The following GRID2 variants were observed in gnomAD, a reference collection of about 807,000 sequenced individuals.
GRID2 encodes the protein glutamate ionotropic receptor delta type subunit 2, also known as glutamate receptor ionotropic, delta-2.
Under a neutral mutation model 114.8 loss-of-function variants are expected in GRID2, and 33 were observed. The observed-to-expected ratio is 0.29, with a 90% CI of 0.22 to 0.38. The LOEUF (loss-of-function observed/expected upper bound fraction) is 0.38, where lower values mean the gene tolerates loss of function less well. Ranked by LOEUF, GRID2 falls within the 10% of genes least tolerant of loss-of-function variation. The pLI, the probability that GRID2 is intolerant of heterozygous loss-of-function variation, is 1.00. For synonymous variants in GRID2, 505 were observed against 449.9 expected (o/e 1.12, Z -1.55); for missense variants, 1,184 against 1,257.7 (o/e 0.94, Z 0.89).
intron 1 of GRID2, among the ~76,000 whole-genome samples, chr4:92,315,217 G>A (rs1390331340): frequency 6.6e-6 from 1 of 152,104 alleles, no homozygotes; most frequent in African/African-American, 2.4e-5. Flanking sequence ...CTTTGTTGTT[G>A]TAAGTGTTAT....
intron 3 of GRID2, among the ~76,000 whole-genome samples, chr4:93,107,128 G>C (rs778520846): frequency 2.0e-5 from 3 of 152,040 alleles, no homozygotes; most frequent in Non-Finnish European, 2.9e-5. Flanking sequence ...GCAAAACCCT[G>C]TCTCTACCGA....
chr4:93,607,918 A>C (rs1354023772), intron 13 of GRID2, among the ~76,000 whole-genome samples: 1 of 151,874 alleles, frequency 6.6e-6, no homozygotes, highest in African/African-American at 2.4e-5. Flanking sequence ...TTAAACATTA[A>C]CTGTTTGTCC....
At chr4:92,328,983 T>C (rs1726738094) in intron 1 of GRID2, among the ~76,000 whole-genome samples, 2 of 152,092 alleles carry the variant, frequency 1.3e-5, no homozygotes. Context: ...TTTCACATTA[T>C]TTTTAAATAA....
At chr4:92,532,117 T>C (rs572390272) in intron 1 of GRID2, among the ~76,000 whole-genome samples, 190 of 152,322 alleles carry the variant, frequency 1.2e-3, no homozygotes, top group African/African-American at 4.4e-3. Context: ...GAATTGGGAA[T>C]GAATTCAGTT....
At chr4:93,060,167 C>G (rs1322165596) in intron 2 of GRID2, among the ~76,000 whole-genome samples, 1 of 152,134 alleles carries the variant, frequency 6.6e-6, no homozygotes, top group Admixed American at 6.6e-5. Context: ...AATTTGACAG[C>G]ATTTTAGACT....
chr4:92,359,615 A>C (rs1728517461), intron 1 of GRID2, among the ~76,000 whole-genome samples: 1 of 151,966 alleles, frequency 6.6e-6, no homozygotes, highest in Non-Finnish European at 1.5e-5. Context: ...ATTTCAATAG[A>C]GCATAGCCCC....
At chr4:92,926,841 A>G (rs1749845528) in intron 2 of GRID2, among the ~76,000 whole-genome samples, 1 of 151,916 alleles carries the variant, frequency 6.6e-6, no homozygotes, top group African/African-American at 2.4e-5. Flanking sequence ...TTAAGGAGCA[A>G]TAACTAACTC....
At chr4:93,481,310 G>A (rs1479575115) in intron 11 of GRID2, among the ~76,000 whole-genome samples, 2 of 152,118 alleles carry the variant, frequency 1.3e-5, no homozygotes, top group South Asian at 2.1e-4. Flanking sequence ...TAACAAGAAG[G>A]TTCAGAAGAA....
chr4:92,721,379 C>T (rs1165228963), intron 2 of GRID2, among the ~76,000 whole-genome samples: 1 of 151,986 alleles, frequency 6.6e-6, no homozygotes. Flanking sequence ...CCAAATAAAT[C>T]ATTGGTGGTA....
chr4:93,008,747 G>A (rs775391056), intron 2 of GRID2, among the ~76,000 whole-genome samples: 12 of 152,032 alleles, frequency 7.9e-5, no homozygotes, highest in Non-Finnish European at 1.5e-4. Flanking sequence ...GCCATAGATA[G>A]CTGTTTTTCA....
At position 93,400,791 on chromosome 4, in the gene GRID2, T is replaced by C. The variant is rs1579958855; in HGVS notation, c.1347+5083T>C. Among the ~76,000 whole-genome samples, 3 of 152,196 alleles carry C rather than the reference T, an allele frequency of 2.0e-5. No homozygotes were observed. The East Asian group carries it at 5.8e-4, about 29-fold the overall frequency. ...TTCCTAATAAACATACATTCACTCA[T>C]GAATTCACACAAAACAGTCAAAGAT... On this transcript the variant is annotated intron_variant, in intron 9 of 15. Coordinates refer to ENST00000282020, the MANE Select transcript of GRID2 (RefSeq NM_001510.4).
intron 1 of GRID2, among the ~76,000 whole-genome samples, chr4:92,449,676 G>GATATATATATATATATATATATAT (rs371209786): frequency 1.0e-4 from 10 of 96,746 alleles, no homozygotes; most frequent in South Asian, 3.7e-4. Flanking sequence ...TTTTCTTACT[G>GATATATATATATATATATATATAT]ATATATATAT....
At chr4:93,024,612 T>A (rs1378372029) in intron 2 of GRID2, among the ~76,000 whole-genome samples, 1 of 151,764 alleles carries the variant, frequency 6.6e-6, no homozygotes, top group Non-Finnish European at 1.5e-5. Context: ...ATTTTAAAGG[T>A]TACATTAGTT....
chr4:93,600,567 C>T (rs927404841), intron 13 of GRID2, among the ~76,000 whole-genome samples: 1 of 151,832 alleles, frequency 6.6e-6, no homozygotes, highest in Non-Finnish European at 1.5e-5. Context: ...ACTAATAGCA[C>T]CAAATATTGG....
At chr4:93,132,150 T>A (rs966716403) in intron 4 of GRID2, among the ~76,000 whole-genome samples, 6 of 152,182 alleles carry the variant, frequency 3.9e-5, no homozygotes, top group Non-Finnish European at 7.3e-5. Flanking sequence ...TAGGCCGGGA[T>A]GTTGCACTAT....
intron 8 of GRID2, among the ~76,000 whole-genome samples, chr4:93,322,605 C>T (rs1017107726): frequency 1.1e-4 from 16 of 152,148 alleles, no homozygotes; most frequent in African/African-American, 3.6e-4. Flanking sequence ...AGTTCTAGAT[C>T]CCTGAGGAAT....
intron 8 of GRID2, among the ~76,000 whole-genome samples, chr4:93,379,659 C>G (rs1763677496): frequency 6.6e-6 from 1 of 151,978 alleles, no homozygotes; most frequent in Non-Finnish European, 1.5e-5. Flanking sequence ...CGATTGCATA[C>G]AAAAGTGCTG....
chr4:93,044,038 A>G (rs1725887783), intron 2 of GRID2, among the ~76,000 whole-genome samples: 1 of 152,112 alleles, frequency 6.6e-6, no homozygotes, highest in South Asian at 2.1e-4. Context: ...AACAAGCAGT[A>G]TAGTAGAAGA....
Position 92,919,777 on chromosome 4 carries a change from T to C in GRID2, c.245-165218T>C, listed in dbSNP as rs188621176. ...GAGGAGTGCTTTACTTCCAAGTATG[T>C]GGTCAATTTTGGAATAGGTGTGGTG... On this transcript the variant is annotated intron_variant, in intron 2 of 15. Transcript: ENST00000282020. 1.2e-3 allele frequency among the ~76,000 whole-genome samples: 181 copies of C among 152,272 alleles called. 1 individual carries two copies. The highest frequency in any genetic ancestry group is 4.2e-3 in the African/African-American group (173 of 41,538).
Sources: allele counts gnomAD v4.1 joint callset (sites outside exome capture counted in the v4.1 genomes callset), GRCh38; gene constraint gnomAD v4.1.1; transcripts MANE v1.5; gene names NCBI Gene and HGNC (gene_info 2026-07-23, HGNC 2026-07-21).